Variants in COL23A1 observed in about 807,000 individuals in gnomAD.
The protein encoded by COL23A1 is collagen type XXIII alpha 1 chain.
COL23A1 carries 97 observed loss-of-function variants against 99.3 expected under a neutral mutation model. The observed-to-expected ratio is 0.98, with a 90% CI of 0.83 to 1.16. The LOEUF is 1.16. Among genes scored for constraint, COL23A1 ranks in the 50% most tolerant of loss-of-function variants. COL23A1 has a pLI of 0.00. For synonymous variants in COL23A1, 320 were observed against 308.2 expected (o/e 1.04, Z -0.40); for missense variants, 762 against 757.4 (o/e 1.01, Z -0.07).
At chr5:178,420,947 T>C (rs1358758456) in intron 2 of COL23A1, among the ~76,000 whole-genome samples, 2 of 151,796 alleles carry the variant, frequency 1.3e-5, no homozygotes, top group East Asian at 3.9e-4. Context: ...AAAAACAGAA[T>C]GTCTCCCTCC....
chr5:178,373,403 A>G (rs1762905650), intron 2 of COL23A1, among the ~76,000 whole-genome samples: 1 of 151,934 alleles, frequency 6.6e-6, no homozygotes, highest in African/African-American at 2.4e-5. Context: ...CCTGCCCCAC[A>G]CTTTATTTTT....
intron 27 of COL23A1, among the ~76,000 whole-genome samples, chr5:178,239,937 G>T (rs563339728): frequency 6.6e-6 from 1 of 152,294 alleles, no homozygotes; most frequent in East Asian, 1.9e-4. Context: ...GGTCACTCTG[G>T]CTCCTCACCC....
At chr5:178,249,683 AACACAC>A (rs746295532) in intron 18 of COL23A1, among the ~76,000 whole-genome samples, 3 of 118,328 alleles carry the variant, frequency 2.5e-5, no homozygotes, top group African/African-American at 1.3e-4. Context: ...TGTATAGGAT[AACACAC>A]ACACACACAC....
intron 2 of COL23A1, among the ~76,000 whole-genome samples, chr5:178,456,389 G>C (rs1166718062): frequency 1.8e-4 from 27 of 152,152 alleles, no homozygotes; most frequent in Admixed American, 1.8e-3. Context: ...TGGACAATGA[G>C]AGAAACAGTC....
At chr5:178,490,241 A>AC (rs1384392899) in intron 2 of COL23A1, among the ~76,000 whole-genome samples, 1 of 152,116 alleles carries the variant, frequency 6.6e-6, no homozygotes, top group Non-Finnish European at 1.5e-5. Flanking sequence ...AAAACAAAAA[A>AC]CAAAAAACAA....
intron 5 of COL23A1, among the ~76,000 whole-genome samples, chr5:178,278,012 TG>T (rs1756687247): frequency 6.6e-6 from 1 of 152,128 alleles, no homozygotes; most frequent in Non-Finnish European, 1.5e-5. Flanking sequence ...GAAGGAAGTC[TG>T]GGGGAACACA....
intron 1 of COL23A1, among the ~76,000 whole-genome samples, chr5:178,575,477 T>C (rs1763303074): frequency 6.6e-6 from 1 of 152,194 alleles, no homozygotes; most frequent in South Asian, 2.1e-4. Context: ...CACACTCCTA[T>C]GTGTTACCTC....
chr5:178,307,233 G>C lies in COL23A1; in HGVS notation c.362-314C>G, dbSNP rs1464923215. On this transcript the variant is annotated intron_variant, in intron 2 of 28. Transcript: ENST00000390654. The surrounding 1 kb of genome is among the most constrained non-coding windows in gnomAD (Gnocchi z 4.2). Reference sequence around the variant, plus strand: ...CCCCTAATCACAAAGATTCCCATGGGAGGCTCCTGAGGCAGATGCGTTTGC... The same window carrying C: ...CCCCTAATCACAAAGATTCCCATGGCAGGCTCCTGAGGCAGATGCGTTTGC... 6.6e-6 allele frequency among the ~76,000 whole-genome samples: 1 copy of C among 152,206 alleles called. No homozygotes were observed. The highest frequency in any genetic ancestry group is 1.5e-5 in the Non-Finnish European group (1 of 68,042).
At position 178,501,017 on chromosome 5, in the gene COL23A1, T is replaced by C. The variant is rs532961576; in HGVS notation, c.361+59665A>G. On this transcript the variant is annotated intron_variant, in intron 2 of 28. Transcript: ENST00000390654. ...TACATAAAGAACTCTTACAAGTCAA[T>C]AGGGCCCAGTTTCTAGGTAGATGGA... Among the ~76,000 whole-genome samples, 41 of 152,304 alleles carry C rather than the reference T, an allele frequency of 2.7e-4. No homozygotes were observed. In the East Asian group the frequency reaches 7.5e-3, roughly 28 times the overall value.
intron 2 of COL23A1, among the ~76,000 whole-genome samples, chr5:178,492,871 C>T (rs1758004086): frequency 6.6e-6 from 1 of 152,096 alleles, no homozygotes; most frequent in African/African-American, 2.4e-5. Context: ...GGTTAAGTGG[C>T]TGAACTTCTC....
intron 2 of COL23A1, among the ~76,000 whole-genome samples, chr5:178,539,545 C>CAAAAAAAAAAAAA (rs58424731): frequency 1.5e-3 from 120 of 78,282 alleles, no homozygotes; most frequent in East Asian, 3.2e-3. Flanking sequence ...GACTCTGTCT[C>CAAAAAAAAAAAAA]AAAAAAAAAA....
chr5:178,259,690 A>G, intron 12 of COL23A1, 31 bp downstream of exon 12: 2 of 1,593,968 alleles, frequency 1.3e-6, no homozygotes, highest in Non-Finnish European at 1.7e-6. Flanking sequence ...CCCAACACTG[A>G]CCCGGAAGCT....
intron 2 of COL23A1, among the ~76,000 whole-genome samples, chr5:178,456,686 G>A (rs977991687): frequency 9.2e-5 from 14 of 152,074 alleles, no homozygotes; most frequent in Non-Finnish European, 1.6e-4. Flanking sequence ...CAACAAGAGC[G>A]AAACTCCATC....
chr5:178,309,637 G>A lies in COL23A1; in HGVS notation c.362-2718C>T, dbSNP rs1277779865. Reference sequence around the variant, plus strand: ...TCAAGCTCACCTCCCGACTTCCCACGCGCCCCCTGCCTCCCTTGTTACTTA... The same window carrying A: ...TCAAGCTCACCTCCCGACTTCCCACACGCCCCCTGCCTCCCTTGTTACTTA... On this transcript the variant is annotated intron_variant, in intron 2 of 28. Transcript: ENST00000390654. The surrounding 1 kb of genome is among the most constrained non-coding windows in gnomAD (Gnocchi z 4.7). Among the ~76,000 whole-genome samples the A allele has an allele frequency of 2.0e-5, 3 of 151,812 alleles. No homozygotes were observed. Among genetic ancestry groups the A allele is most frequent in the Non-Finnish European group, 4.4e-5 (3 of 67,956 alleles).
intron 3 of COL23A1, among the ~76,000 whole-genome samples, chr5:178,292,019 G>T (rs1757485341): frequency 6.6e-6 from 1 of 152,126 alleles, no homozygotes; most frequent in South Asian, 2.1e-4. Context: ...AACAAAAGCT[G>T]CCGGATAGGT....
In COL23A1 at chr5:178,384,513, C is replaced by G. The variant is rs1002827814; in HGVS notation, c.362-77594G>C. 6.6e-5 allele frequency among the ~76,000 whole-genome samples: 10 copies of G among 152,140 alleles called. No individual in the cohort carries two copies. Among genetic ancestry groups the G allele is most frequent in the African/African-American group, 2.4e-4 (10 of 41,432 alleles). ...CCACGTGGACGGCGCTGAGTGCATCCCTCTCCAGCGGCCCACCGGGCACTG... is the reference window on the plus strand; with the variant it reads ...CCACGTGGACGGCGCTGAGTGCATCGCTCTCCAGCGGCCCACCGGGCACTG... On this transcript the variant is annotated intron_variant, in intron 2 of 28. Coordinates refer to ENST00000390654, the MANE Select transcript of COL23A1 (RefSeq NM_173465.4). The surrounding 1 kb of genome is among the most constrained non-coding windows in gnomAD (Gnocchi z 5.5).
At chr5:178,502,449 T>A (rs1758621225) in intron 2 of COL23A1, among the ~76,000 whole-genome samples, 1 of 152,194 alleles carries the variant, frequency 6.6e-6, no homozygotes, top group East Asian at 1.9e-4. Context: ...TTGGTATTCT[T>A]ATTTCTGCTT....
At chr5:178,270,835 CAGAG>C (rs1240057946) in intron 5 of COL23A1, among the ~76,000 whole-genome samples, 2 of 152,184 alleles carry the variant, frequency 1.3e-5, no homozygotes, top group African/African-American at 4.8e-5. Flanking sequence ...AGCTGAGAGA[CAGAG>C]AGAAAGACAG....
At chr5:178,458,637 CAA>C (rs57875318) in intron 2 of COL23A1, among the ~76,000 whole-genome samples, 4 of 145,396 alleles carry the variant, frequency 2.8e-5, no homozygotes, top group Non-Finnish European at 3.0e-5. Flanking sequence ...ACTCTGTCTC[CAA>C]AAAAAAAAAC....
Sources: gnomAD v4.1 joint callset for allele counts (sites outside exome capture counted in the v4.1 genomes callset) on GRCh38, gnomAD v4.1.1 for gene constraint, Gnocchi (gnomAD v3.1) non-coding constraint, MANE v1.5 for transcripts, NCBI Gene and HGNC (gene_info 2026-07-23, HGNC 2026-07-21) for gene names.